Variants in CACNA1C observed in about 807,000 individuals in gnomAD.
The protein encoded by CACNA1C is calcium voltage-gated channel subunit alpha1 C, also known as voltage-dependent L-type calcium channel subunit alpha-1C.
In CACNA1C, 30 loss-of-function variants were observed where a neutral mutation model predicts 229.0. The ratio of observed to expected loss-of-function variants is 0.13; its 90% CI spans 0.10 to 0.18. CACNA1C has a LOEUF of 0.18. CACNA1C is among the 10% of genes least tolerant of loss of function. The probability of loss-of-function intolerance (pLI) is 1.00; values close to 1 mark genes in which losing one functional copy is unlikely to be tolerated. For synonymous variants in CACNA1C, 1,114 were observed against 1,132.5 expected, an observed-to-expected ratio of 0.98 and a Z score of 0.33; for missense variants, 1,658 against 2,845.0, an observed-to-expected ratio of 0.58 and a Z score of 9.49.
chr12:1,992,858 C>T (rs544017654), intron 1 of CACNA1C: 77 of 406,500 alleles, frequency 1.9e-4, no homozygotes, highest in Middle Eastern at 6.6e-4. Context: ...TCAGCTCACT[C>T]GGCCAAAAGT....
intron 12 of CACNA1C, 140 bp from the exon 13 acceptor site, chr12:2,567,429 T>C: frequency 1.6e-6 from 1 of 610,696 alleles, no homozygotes. Flanking sequence ...CCCCAACTTC[T>C]GTTCTGGCCG....
intron 1 of CACNA1C, among the ~76,000 whole-genome samples, chr12:2,043,011 T>A (rs1010716496): frequency 3.3e-5 from 5 of 152,240 alleles, no homozygotes; most frequent in Non-Finnish European, 4.4e-5. Flanking sequence ...GGGTGTTTCA[T>A]CTGGATAATC....
intron 9 of CACNA1C, 87 bp from the exon 10 acceptor site, chr12:2,549,856 C>T (rs760346961): frequency 1.8e-5 from 17 of 924,796 alleles, no homozygotes; most frequent in African/African-American, 6.8e-5. Context: ...CTGGGTCTTG[C>T]GGTGGGCGTG....
chr12:2,396,461 A>G (rs1445411536), intron 3 of CACNA1C, among the ~76,000 whole-genome samples: 1 of 152,132 alleles, frequency 6.6e-6, no homozygotes, highest in Non-Finnish European at 1.5e-5. Context: ...CGGCTGCCCA[A>G]GTGGTTCAGG....
chr12:2,188,098 A>G (rs2097099935), intron 3 of CACNA1C, among the ~76,000 whole-genome samples: 1 of 152,208 alleles, frequency 6.6e-6, no homozygotes, highest in Non-Finnish European at 1.5e-5. Context: ...TCTTATCAGC[A>G]GGTACCCTAG....
At chr12:2,519,388 C>A (rs765120482) in intron 9 of CACNA1C, among the ~76,000 whole-genome samples, 2 of 152,212 alleles carry the variant, frequency 1.3e-5, no homozygotes, top group Non-Finnish European at 1.5e-5. Context: ...TCACACTGCC[C>A]CTGGACTGAG....
chr12:2,551,759 G>A (rs2099904072), intron 10 of CACNA1C, among the ~76,000 whole-genome samples: 1 of 152,178 alleles, frequency 6.6e-6, no homozygotes, highest in Non-Finnish European at 1.5e-5. Flanking sequence ...GGGGAAGGGA[G>A]GAAGGAACTA....
At chr12:2,386,531 T>C (rs2098394270) in intron 3 of CACNA1C, among the ~76,000 whole-genome samples, 1 of 152,352 alleles carries the variant, frequency 6.6e-6, no homozygotes, top group Middle Eastern at 3.4e-3. Flanking sequence ...CTGGAATGCC[T>C]GTCACTTCCT....
intron 3 of CACNA1C, among the ~76,000 whole-genome samples, chr12:2,431,833 T>C (rs2099088477): frequency 6.6e-6 from 1 of 151,690 alleles, no homozygotes; most frequent in Non-Finnish European, 1.5e-5. Context: ...CAGTAAAGAG[T>C]CTTCAATGTA....
chr12:2,493,042 AT>A lies in CACNA1C; in HGVS notation c.917-145del, dbSNP rs1394771177. ...TGCTTAATTCACATCTGGGGACCTG[AT>A]TTAAACATGTCTTGCGCTGTTGTTG... On this transcript the variant is annotated intron_variant, in intron 6 of 46. Coordinates refer to ENST00000399655, the MANE Select transcript of CACNA1C (RefSeq NM_000719.7). This position sits in a 1 kb window ranked among gnomAD's most constrained non-coding sequence, Gnocchi z 4.6. 5 of 636,152 alleles carry A rather than the reference AT, an allele frequency of 7.9e-6. No individual in the cohort carries two copies. The highest frequency in any genetic ancestry group is 1.4e-5 in the Non-Finnish European group (5 of 357,218). The allele number at this position is 636,152 out of a possible 1,614,324, so 39.4% of individuals were successfully genotyped here. A position where few individuals can be genotyped will look rare whatever the true frequency, so the allele number is the denominator to read the frequency against.
chr12:2,136,658 G>C (rs1420156404), intron 3 of CACNA1C, among the ~76,000 whole-genome samples: 1 of 151,166 alleles, frequency 6.6e-6, no homozygotes, highest in Non-Finnish European at 1.5e-5. Context: ...GTCTGTAGGG[G>C]TCCTGGGGGC....
chr12:2,274,340 C>A (rs558982822), intron 3 of CACNA1C, among the ~76,000 whole-genome samples: 208 of 152,314 alleles, frequency 1.4e-3, no homozygotes, highest in African/African-American at 4.8e-3. Context: ...TGTTTCTGAG[C>A]TAGGAGGGCT....
intron 1 of CACNA1C, among the ~76,000 whole-genome samples, chr12:1,984,777 G>GT (rs1342015372): frequency 1.9e-4 from 12 of 63,128 alleles, no homozygotes; most frequent in Non-Finnish European, 2.9e-4. Flanking sequence ...GGGTCTTCTG[G>GT]TAAAAAAAAA....
At chr12:2,106,715 A>G in intron 1 of CACNA1C, among the ~76,000 whole-genome samples, 1 of 106,138 alleles carries the variant, frequency 9.4e-6, no homozygotes, top group Non-Finnish European at 1.9e-5. Context: ...GAGGGTTTCC[A>G]CCTCAGCTGG....
chr12:2,425,760 T>C (rs1021078014), intron 3 of CACNA1C, among the ~76,000 whole-genome samples: 11 of 152,218 alleles, frequency 7.2e-5, no homozygotes, highest in Admixed American at 2.0e-4. Flanking sequence ...TAGTTCACTT[T>C]AAAGACTTTA....
chr12:2,374,300 G>A (rs1033635560), intron 3 of CACNA1C, among the ~76,000 whole-genome samples: 2 of 152,170 alleles, frequency 1.3e-5, no homozygotes, highest in African/African-American at 4.8e-5. Flanking sequence ...CATAAGTTTT[G>A]GTTCTATGTG....
At chr12:2,391,916 G>T (rs755849712) in intron 3 of CACNA1C, among the ~76,000 whole-genome samples, 1 of 152,198 alleles carries the variant, frequency 6.6e-6, no homozygotes, top group Non-Finnish European at 1.5e-5. Flanking sequence ...CAGCTGCCAC[G>T]TGGCTGGTGG....
chr12:2,602,633 TGTGTG>T lies in CACNA1C; in HGVS notation c.2960+674_2960+678del, dbSNP rs1568706405. Among the ~76,000 whole-genome samples, 1,334 of 21,178 alleles carry T rather than the reference TGTGTG, an allele frequency of 0.063. 15 individuals carry two copies. Among genetic ancestry groups the T allele is most frequent in the African/African-American group, 0.14 (1,181 of 8,430 alleles). 13.9% of individuals were successfully genotyped at this position (21,178 alleles called of 152,430 possible). A position where few individuals can be genotyped will look rare whatever the true frequency, so the allele number is the denominator to read the frequency against. ...TGTGACTGTGTATATTTGTGTCTTG[TGTGTG>T]TGTGTGTGTGTGTGTGTGTGTGTGT... On this transcript the variant is annotated intron_variant, in intron 22 of 46. Transcript: ENST00000399655. This position sits in a 1 kb window ranked among gnomAD's most constrained non-coding sequence, Gnocchi z 4.4.
chr12:2,547,652 A>G, intron 9 of CACNA1C: 1 of 666,408 alleles, frequency 1.5e-6, no homozygotes, highest in Non-Finnish European at 2.8e-6. Flanking sequence ...GTATGTATAT[A>G]TGTTGTGTGT....
Sources: gnomAD v4.1 joint callset for allele counts (sites outside exome capture counted in the v4.1 genomes callset) on GRCh38, gnomAD v4.1.1 for gene constraint, Gnocchi (gnomAD v3.1) non-coding constraint, MANE v1.5 for transcripts, NCBI Gene and HGNC (gene_info 2026-07-23, HGNC 2026-07-21) for gene names.